Variants in BST1 observed in about 807,000 individuals in gnomAD.
BST1 encodes ADP-ribosyl cyclase/cyclic ADP-ribose hydrolase 2.
A neutral mutation model predicts 40.6 loss-of-function variants in BST1; 49 were observed. That is an observed-to-expected ratio of 1.21 (90% CI 0.96 to 1.53). BST1 has a LOEUF of 1.53. Ranked by LOEUF, BST1 falls within the 40% of genes most tolerant of loss-of-function variation. BST1 has a pLI of 0.00. For missense variants in BST1, 423 were observed against 395.9 expected, an observed-to-expected ratio of 1.07 and a Z score of -0.58; for synonymous variants, 157 against 159.3, an observed-to-expected ratio of 0.99 and a Z score of 0.11.
At chr4:15,743,535 GA>G in the BST1 span, 1 of 355,344 alleles carries the variant, frequency 2.8e-6, no homozygotes. Flanking sequence ...GAATGTTAAG[GA>G]AGCTGAGGGC....
At chr4:15,769,658 T>TTC in the BST1 span, among the ~76,000 whole-genome samples, 1 of 151,750 alleles carries the variant, frequency 6.6e-6, no homozygotes, top group African/African-American at 2.4e-5. Context: ...AGAACAGAAT[T>TTC]TCTCTCTCTC....
intron 7 of BST1, among the ~76,000 whole-genome samples, chr4:15,721,742 A>G (rs796376423): frequency 1.1e-4 from 16 of 152,298 alleles, no homozygotes; most frequent in African/African-American, 3.1e-4. Flanking sequence ...CCAACATGGC[A>G]TGTGTATACA....
downstream of BST1, among the ~76,000 whole-genome samples, chr4:15,739,531 A>G (rs1490626221): frequency 2.0e-5 from 3 of 151,102 alleles, no homozygotes; most frequent in Non-Finnish European, 4.4e-5. Flanking sequence ...TATTTGAGAA[A>G]AATGCATGTT....
the BST1 span, among the ~76,000 whole-genome samples, chr4:15,757,626 T>A: frequency 6.6e-6 from 1 of 152,126 alleles, no homozygotes; most frequent in Admixed American, 6.5e-5. Flanking sequence ...GGGAATTTCT[T>A]TTAAAAATTT....
downstream of BST1, among the ~76,000 whole-genome samples, chr4:15,735,075 C>T (rs1049025222): frequency 3.3e-5 from 5 of 152,288 alleles, no homozygotes; most frequent in South Asian, 2.1e-4. Flanking sequence ...TCTACCCAGA[C>T]GTGCTCTCTA....
intron 8 of BST1, among the ~76,000 whole-genome samples, chr4:15,724,051 C>G (rs1027176357): frequency 6.6e-6 from 1 of 152,194 alleles, no homozygotes; most frequent in Non-Finnish European, 1.5e-5. Context: ...CTCAAGTGTT[C>G]TTTGCTCTGT....
intron 1 of BST1, among the ~76,000 whole-genome samples, chr4:15,703,916 A>G (rs1577561963): frequency 1.0e-5 from 1 of 96,742 alleles, no homozygotes; most frequent in Non-Finnish European, 2.0e-5. Flanking sequence ...TCTAGAGGTG[A>G]GGGGTGTGTG....
chr4:15,721,395 T>G (rs1254367650), intron 7 of BST1, among the ~76,000 whole-genome samples: 1 of 152,162 alleles, frequency 6.6e-6, no homozygotes, highest in Non-Finnish European at 1.5e-5. Flanking sequence ...TCCATACCTG[T>G]TTTTGGGCAT....
chr4:15,746,787 A>G, the BST1 span, among the ~76,000 whole-genome samples: 1 of 152,296 alleles, frequency 6.6e-6, no homozygotes, highest in Admixed American at 6.5e-5. Flanking sequence ...CCACAGGTCA[A>G]AAAACAAATG....
intron 8 of BST1, among the ~76,000 whole-genome samples, chr4:15,723,875 G>C (rs1188081191): frequency 1.3e-5 from 2 of 152,156 alleles, no homozygotes; most frequent in African/African-American, 4.8e-5. Context: ...ATCCATATCT[G>C]TATCTGTGCC....
downstream of BST1, among the ~76,000 whole-genome samples, chr4:15,741,750 G>C (rs1334269501): frequency 1.3e-5 from 2 of 152,198 alleles, no homozygotes; most frequent in Non-Finnish European, 2.9e-5. Context: ...ATTAGTTTGT[G>C]CTTATCTATT....
Position 15,715,697 on chromosome 4 carries a change from T to C in BST1, c.612-10T>C. ...CATATTGCTTTAGGGCTTCAAGAAATGTTTCTCAGTTTTTTTGCAGATTAT... is the reference window on the plus strand; with the variant it reads ...CATATTGCTTTAGGGCTTCAAGAAACGTTTCTCAGTTTTTTTGCAGATTAT... On this transcript the variant is annotated splice_polypyrimidine_tract_variant and intron_variant, in intron 5 of 8. Coordinates refer to ENST00000265016, the MANE Select transcript of BST1 (RefSeq NM_004334.3). 6.4e-7 allele frequency: 1 copy of C among 1,559,696 alleles called. No homozygotes were observed. The highest frequency in any genetic ancestry group is 8.7e-7 in the Non-Finnish European group (1 of 1,143,896).
intron 8 of BST1, among the ~76,000 whole-genome samples, chr4:15,729,989 G>T (rs1434735161): frequency 6.6e-6 from 1 of 152,180 alleles, no homozygotes; most frequent in East Asian, 1.9e-4. Context: ...AAAAAGTAAA[G>T]AAAAATGTAA....
chr4:15,706,540 A>G (rs532343883), intron 2 of BST1, among the ~76,000 whole-genome samples: 2 of 152,382 alleles, frequency 1.3e-5, no homozygotes, highest in East Asian at 1.9e-4. Flanking sequence ...GAAAATTTCC[A>G]TAAAACCCTT....
At chr4:15,737,805 A>T (rs4320134) in exon 7 of BST1, 175,880 of 1,254,390 alleles carry the variant, frequency 0.14, 15,394 homozygotes, top group East Asian at 0.3. Flanking sequence ...GGGAACCATG[A>T]TGGGGAAGAT....
the BST1 span, among the ~76,000 whole-genome samples, chr4:15,754,287 A>G: frequency 6.6e-6 from 1 of 152,198 alleles, no homozygotes; most frequent in South Asian, 2.1e-4. Context: ...ATGAGTCGCT[A>G]AAGTAGAGGT....
chr4:15,722,750 A>T, intron 7 of BST1, 125 bp from the exon 8 acceptor site: 1 of 760,074 alleles, frequency 1.3e-6, no homozygotes, highest in South Asian at 1.9e-5. Context: ...TTTTTAGAGG[A>T]AATAGTTTGT....
chr4:15,755,971 T>C, the BST1 span, among the ~76,000 whole-genome samples: 14 of 152,182 alleles, frequency 9.2e-5, no homozygotes, highest in Non-Finnish European at 2.1e-4. Flanking sequence ...TGTAAACTGA[T>C]AGATGATGTT....
intron 8 of BST1, among the ~76,000 whole-genome samples, chr4:15,727,426 G>A (rs745522940): frequency 2.7e-4 from 41 of 152,058 alleles, no homozygotes; most frequent in Admixed American, 7.2e-4. Flanking sequence ...TCATCACCCT[G>A]GCAGGAATTT....
Sources: gnomAD v4.1 joint callset for allele counts (sites outside exome capture counted in the v4.1 genomes callset) on GRCh38, gnomAD v4.1.1 for gene constraint, MANE v1.5 for transcripts, NCBI Gene and HGNC (gene_info 2026-07-23, HGNC 2026-07-21) for gene names.